Variants in KLF17 observed in about 807,000 individuals in gnomAD.
KLF17 encodes KLF transcription factor 17.
A neutral mutation model predicts 34.2 loss-of-function variants in KLF17; 31 were observed. The observed-to-expected ratio is 0.91, with a 90% confidence interval of 0.68 to 1.22. The LOEUF (loss-of-function observed/expected upper bound fraction) is 1.22, where lower values mean the gene tolerates loss of function less well. KLF17 is among the 50% of genes most tolerant of loss of function. The pLI is 0.00. For missense variants in KLF17, 478 were observed against 505.2 expected (o/e 0.95, Z 0.52); for synonymous variants, 179 against 186.7 (o/e 0.96, Z 0.34).
the KLF17 span, among the ~76,000 whole-genome samples, chr1:44,087,759 T>C: frequency 0.014 from 781 of 55,304 alleles, 11 homozygotes; most frequent in African/African-American, 0.053. Context: ...TATATATATA[T>C]ATATATATAT....
upstream of KLF17, chr1:44,114,956 C>A (rs1270531316): frequency 6.6e-6 from 1 of 152,170 alleles, no homozygotes; most frequent in Admixed American, 6.5e-5. Flanking sequence ...TATAGTCACA[C>A]CAATACCCAT....
At chr1:44,118,473 C>A (rs544811310), upstream of KLF17, among the ~76,000 whole-genome samples, 7 of 152,272 alleles carry the variant, frequency 4.6e-5, no homozygotes, top group Non-Finnish European at 1.0e-4. Flanking sequence ...GCTCTCCTAT[C>A]GGTAGAGGCC....
chr1:44,058,316 G>A, the KLF17 span, among the ~76,000 whole-genome samples: 2 of 152,100 alleles, frequency 1.3e-5, no homozygotes. Context: ...TTGAGACGGA[G>A]TCTTGCTGTG....
upstream of KLF17, chr1:44,115,450 C>CAAAAAA (rs34620805): frequency 9.4e-5 from 7 of 74,642 alleles, no homozygotes; most frequent in African/African-American, 3.7e-4. Context: ...GACTCTGTGT[C>CAAAAAA]AAAAAAAAAA....
At chr1:44,095,197 G>C in the KLF17 span, among the ~76,000 whole-genome samples, 14,378 of 141,964 alleles carry the variant, frequency 0.1, 764 homozygotes, top group African/African-American at 0.14. Context: ...CACCATGCCC[G>C]GCCTATTTAT....
the KLF17 span, among the ~76,000 whole-genome samples, chr1:44,097,754 G>A: frequency 1.1e-4 from 16 of 152,186 alleles, no homozygotes; most frequent in African/African-American, 3.6e-4. Flanking sequence ...CTATGGGTTT[G>A]TCATATATGA....
chr1:44,090,572 C>T, the KLF17 span, among the ~76,000 whole-genome samples: 2 of 152,012 alleles, frequency 1.3e-5, no homozygotes, highest in Admixed American at 1.3e-4. Flanking sequence ...AACAGCAGGC[C>T]AAAGATTGAT....
chr1:44,080,082 C>G, the KLF17 span, among the ~76,000 whole-genome samples: 2 of 151,868 alleles, frequency 1.3e-5, no homozygotes, highest in African/African-American at 4.8e-5. Context: ...GTGCGTGCCA[C>G]CATGCGTGGC....
the KLF17 span, chr1:44,061,040 C>T: frequency 1.3e-5 from 2 of 152,244 alleles, no homozygotes; most frequent in African/African-American, 4.8e-5. Flanking sequence ...TTTTACCTCT[C>T]CTAGGACCTT....
At chr1:44,050,453 G>A in the KLF17 span, among the ~76,000 whole-genome samples, 3 of 152,130 alleles carry the variant, frequency 2.0e-5, no homozygotes, top group Non-Finnish European at 2.9e-5. Context: ...TACCACCCTT[G>A]TTCTAGAAAT....
At chr1:44,094,916 T>C in the KLF17 span, among the ~76,000 whole-genome samples, 1 of 151,188 alleles carries the variant, frequency 6.6e-6, no homozygotes, top group South Asian at 2.1e-4. Context: ...TCTTTTTTTT[T>C]TTTTGAGACG....
chr1:44,064,122 A>G, the KLF17 span, among the ~76,000 whole-genome samples: 2 of 152,200 alleles, frequency 1.3e-5, no homozygotes, highest in African/African-American at 2.4e-5. Context: ...GCCAAATGAA[A>G]AAATAAGTGA....
the KLF17 span, among the ~76,000 whole-genome samples, chr1:44,108,089 T>C: frequency 6.6e-6 from 1 of 152,196 alleles, no homozygotes. Flanking sequence ...CAGTTTCATG[T>C]TTGTGCCCCC....
the KLF17 span, among the ~76,000 whole-genome samples, chr1:44,100,231 C>T: frequency 3.4e-5 from 5 of 147,972 alleles, no homozygotes; most frequent in African/African-American, 1.3e-4. Flanking sequence ...GAACTCTAGC[C>T]TGGGTAACAG....
chr1:44,101,078 A>T, the KLF17 span, among the ~76,000 whole-genome samples: 55 of 152,330 alleles, frequency 3.6e-4, no homozygotes, highest in Middle Eastern at 3.4e-3. Context: ...TTTATTTTGA[A>T]ATAATTTCAG....
chr1:44,113,542 G>A, the KLF17 span, among the ~76,000 whole-genome samples: 2 of 152,192 alleles, frequency 1.3e-5, no homozygotes, highest in Non-Finnish European at 2.9e-5. Context: ...ATCAGGGAAG[G>A]CATAAGACAG....
the KLF17 span, among the ~76,000 whole-genome samples, chr1:44,073,284 G>A: frequency 2.0e-5 from 3 of 147,896 alleles, no homozygotes; most frequent in African/African-American, 5.0e-5. Context: ...TCGGCTCACC[G>A]CAACCTCTGC....
intron 1 of KLF17, among the ~76,000 whole-genome samples, chr1:44,125,167 T>C (rs1298949645): frequency 6.6e-6 from 1 of 152,234 alleles, no homozygotes; most frequent in African/African-American, 2.4e-5. Flanking sequence ...TACTATCTAG[T>C]GTCATTTCAT....
chr1:44,130,899 G>A (rs1404213611), intron 3 of KLF17, 143 bp downstream of exon 3: 1 of 774,178 alleles, frequency 1.3e-6, no homozygotes, highest in East Asian at 2.7e-5. Context: ...AGGTTCAAGT[G>A]ATTTTCCTGC....
Sources: gnomAD v4.1 joint callset for allele counts (sites outside exome capture counted in the v4.1 genomes callset) on GRCh38, gnomAD v4.1.1 for gene constraint, MANE v1.5 for transcripts, NCBI Gene and HGNC (gene_info 2026-07-23, HGNC 2026-07-21) for gene names.